Variants in RAI14 observed in about 807,000 individuals in gnomAD.
The protein encoded by RAI14 is retinoic acid induced 14.
RAI14 carries 45 observed loss-of-function variants against 115.4 expected under a neutral mutation model. The ratio of observed to expected loss-of-function variants is 0.39; its 90% CI spans 0.31 to 0.50. RAI14 has a LOEUF of 0.50. Ranked by LOEUF, RAI14 falls within the 20% of genes least tolerant of loss-of-function variation. RAI14 has a pLI of 0.85. For missense variants in RAI14, 939 were observed against 1,131.2 expected (o/e 0.83, Z 2.44); for synonymous variants, 371 against 415.4 (o/e 0.89, Z 1.30).
chr5:34,667,930 A>G (rs1743338632), intron 1 of RAI14, among the ~76,000 whole-genome samples: 1 of 152,208 alleles, frequency 6.6e-6, no homozygotes, highest in African/African-American at 2.4e-5. Context: ...ATCTCCTCCC[A>G]TGAAAGCTGA....
chr5:34,781,108 A>G (rs1453753732), intron 3 of RAI14, among the ~76,000 whole-genome samples: 1 of 151,784 alleles, frequency 6.6e-6, no homozygotes, highest in Non-Finnish European at 1.5e-5. Flanking sequence ...TTCTCAGCAA[A>G]CTATCACAAG....
At chr5:34,808,447 C>G in intron 6 of RAI14, 137 bp from the exon 7 acceptor site, 1 of 776,216 alleles carries the variant, frequency 1.3e-6, no homozygotes. Context: ...TTCCTAATAC[C>G]ATTTCTCTTC....
Position 34,824,195 on chromosome 5 carries a change from C to T in RAI14, c.2353C>T (p.Pro785Ser). 1.2e-6 allele frequency: 2 copies of T among 1,614,182 alleles called. No individual in the cohort carries two copies. Among genetic ancestry groups the T allele is most frequent in the South Asian group, 2.2e-5 (2 of 91,070 alleles). Residue 785 changes from proline (P) to serine (S), a missense_variant, in exon 15 of 18, where the codon CCT becomes TCT. Pro to Ser is a moderately conservative substitution (Grantham distance 74, BLOSUM62 -1). Transcript: ENST00000265109. ...EKAAMTDAMV[P>S]RSSYEKLQSS... ...AGCTGCTATGACTGATGCAATGGTACCTCGGTCTTCCTATGAAAAACTCCA... is the reference window on the plus strand; with the variant it reads ...AGCTGCTATGACTGATGCAATGGTATCTCGGTCTTCCTATGAAAAACTCCA...
intron 12 of RAI14, among the ~76,000 whole-genome samples, chr5:34,817,363 G>T (rs1429106832): frequency 1.3e-5 from 2 of 151,988 alleles, no homozygotes. Context: ...TGAGGATGTT[G>T]CAGAACTAGA....
intron 2 of RAI14, among the ~76,000 whole-genome samples, chr5:34,725,634 A>T (rs931779172): frequency 6.6e-6 from 1 of 152,028 alleles, no homozygotes; most frequent in Non-Finnish European, 1.5e-5. Flanking sequence ...CTAACTGAAC[A>T]TGAAGAATAC....
chr5:34,804,581 G>GA (rs1754645626), intron 5 of RAI14, among the ~76,000 whole-genome samples: 1 of 152,228 alleles, frequency 6.6e-6, no homozygotes, highest in South Asian at 2.1e-4. Flanking sequence ...TTCTAATGCA[G>GA]AAATGTGATC....
chr5:34,712,060 A>C (rs1203622847), intron 2 of RAI14, among the ~76,000 whole-genome samples: 1 of 152,136 alleles, frequency 6.6e-6, no homozygotes, highest in Non-Finnish European at 1.5e-5. Context: ...AAATTTCCTT[A>C]GGGCTATCAT....
At chr5:34,733,301 G>A (rs919686516) in intron 2 of RAI14, 5 of 152,262 alleles carry the variant, frequency 3.3e-5, no homozygotes, top group Admixed American at 1.3e-4. Flanking sequence ...CTAAATAAGC[G>A]AATGAATGAA....
At chr5:34,805,447 C>T (rs937282121) in intron 5 of RAI14, among the ~76,000 whole-genome samples, 7 of 152,154 alleles carry the variant, frequency 4.6e-5, no homozygotes, top group African/African-American at 7.2e-5. Flanking sequence ...TCTTATTGCC[C>T]GTCTGCTGGA....
intron 2 of RAI14, chr5:34,716,126 A>G: frequency 2.3e-6 from 1 of 429,208 alleles, no homozygotes; most frequent in South Asian, 1.7e-5. Context: ...ATTTGTGGCA[A>G]AAGACAAGGC....
intron 1 of RAI14, among the ~76,000 whole-genome samples, chr5:34,669,318 G>A (rs888595301): frequency 5.3e-5 from 8 of 152,140 alleles, no homozygotes; most frequent in African/African-American, 1.7e-4. Context: ...CCTGTCTCCC[G>A]GCCAATCTGT....
At chr5:34,692,153 C>T (rs1738683133) in intron 2 of RAI14, among the ~76,000 whole-genome samples, 1 of 152,134 alleles carries the variant, frequency 6.6e-6, no homozygotes, top group South Asian at 2.1e-4. Flanking sequence ...ATCCCAGCTA[C>T]TCGGGAGGCT....
intron 3 of RAI14, among the ~76,000 whole-genome samples, chr5:34,774,380 A>G (rs1165436299): frequency 6.6e-6 from 1 of 152,084 alleles, no homozygotes; most frequent in Non-Finnish European, 1.5e-5. Context: ...AAAAATAAAC[A>G]AACAAACAAA....
chr5:34,758,266 T>G (rs569776621), intron 3 of RAI14, among the ~76,000 whole-genome samples: 1 of 152,250 alleles, frequency 6.6e-6, no homozygotes, highest in South Asian at 2.1e-4. Context: ...ACTGTTAGAG[T>G]AGTTATGAGT....
intron 2 of RAI14, among the ~76,000 whole-genome samples, chr5:34,740,240 A>G (rs1005937749): frequency 6.6e-6 from 1 of 152,236 alleles, no homozygotes; most frequent in African/African-American, 2.4e-5. Flanking sequence ...TTAACAATAA[A>G]TAGACTCATT....
At chr5:34,756,339 A>G (rs1248879889) in intron 2 of RAI14, among the ~76,000 whole-genome samples, 1 of 152,178 alleles carries the variant, frequency 6.6e-6, no homozygotes, top group East Asian at 1.9e-4. Context: ...GGTCGATCGT[A>G]AAGCTGTTAA....
intron 2 of RAI14, among the ~76,000 whole-genome samples, chr5:34,705,268 A>G (rs1740569474): frequency 6.6e-6 from 1 of 152,186 alleles, no homozygotes; most frequent in Admixed American, 6.5e-5. Context: ...GGGAATTGAG[A>G]TGTACAGTAA....
chr5:34,707,654 A>G (rs994117613), intron 2 of RAI14, among the ~76,000 whole-genome samples: 4 of 152,156 alleles, frequency 2.6e-5, no homozygotes, highest in African/African-American at 7.2e-5. Flanking sequence ...TCTGGGGGAA[A>G]AAAACCACAC....
chr5:34,811,895 A>G lies in RAI14; in HGVS notation c.686A>G (p.Glu229Gly). ...GCCTTACATTATTCCAAACTCTCAG[A>G]AAATGCAGGAATTCAAAGCCTTCTA... ...YNALHYSKLSENAGIQSLLLS... is the reference protein window; with the variant it reads ...YNALHYSKLSGNAGIQSLLLS... The change falls in exon 9 of 18, where the codon GAA (glutamate) becomes GGA (glycine). Residue 229 changes from glutamate (E) to glycine (G), a missense_variant. Coordinates refer to ENST00000265109, the MANE Select transcript of RAI14 (RefSeq NM_015577.3). 6.2e-7 allele frequency: 1 copy of G among 1,613,426 alleles called. No individual in the cohort carries two copies. The highest frequency in any genetic ancestry group is 8.5e-7 in the Non-Finnish European group (1 of 1,179,662).
Sources: allele counts gnomAD v4.1 joint callset (sites outside exome capture counted in the v4.1 genomes callset), GRCh38; gene constraint gnomAD v4.1.1; transcripts MANE v1.5; gene names NCBI Gene and HGNC (gene_info 2026-07-23, HGNC 2026-07-21).